Variants in MMP26 observed in about 807,000 individuals in gnomAD.
MMP26 encodes matrix metalloproteinase-26.
In MMP26, 33 loss-of-function variants were observed where a neutral mutation model predicts 31.0. That is an observed-to-expected ratio of 1.06 (90% CI 0.81 to 1.42). The LOEUF (loss-of-function observed/expected upper bound fraction) is 1.42, where lower values mean the gene tolerates loss of function less well. Ranked by LOEUF, MMP26 falls within the 40% of genes most tolerant of loss-of-function variation. The pLI is 0.00. For missense variants in MMP26, 347 were observed against 316.1 expected (o/e 1.10, Z -0.74); for synonymous variants, 122 against 114.9 (o/e 1.06, Z -0.40).
At chr11:4,916,738 T>G (rs542148394) in intron 2 of MMP26, among the ~76,000 whole-genome samples, 11 of 152,296 alleles carry the variant, frequency 7.2e-5, no homozygotes, top group African/African-American at 2.4e-4. Context: ...TATTTCTGAC[T>G]GCTAGAGTAA....
At chr11:4,963,744 C>T (rs1045272956) in intron 2 of MMP26, among the ~76,000 whole-genome samples, 6 of 152,094 alleles carry the variant, frequency 3.9e-5, no homozygotes, top group South Asian at 4.1e-4. Flanking sequence ...GGTGTAAAAG[C>T]GTTCCTTTTT....
At chr11:4,976,056 A>T (rs1564817916) in intron 2 of MMP26, among the ~76,000 whole-genome samples, 3 of 152,022 alleles carry the variant, frequency 2.0e-5, no homozygotes, top group Non-Finnish European at 4.4e-5. Flanking sequence ...TTTCTGGAAG[A>T]TTATTTTATT....
chr11:4,846,592 AG>A (rs1332216353), intron 2 of MMP26, among the ~76,000 whole-genome samples: 1 of 152,222 alleles, frequency 6.6e-6, no homozygotes, highest in East Asian at 1.9e-4. Flanking sequence ...TAACTGCTTG[AG>A]GGGATAGATA....
rs147471185 is a variant in MMP26, at chr11:4,768,984, T to C, written c.-145+1643T>C. 278 of 1,497,096 alleles carry C rather than the reference T, an allele frequency of 1.9e-4. 1 individual carries two copies. In the African/African-American group the frequency reaches 3.5e-3, roughly 19 times the overall value. 92.7% of individuals were successfully genotyped at this position (1,497,096 alleles called of 1,614,324 possible). ...TCAAATAAAACTATGTCTGTTCATTTTGTAAGCAGCAGACTGAGCATAGCC... is the reference window on the plus strand; with the variant it reads ...TCAAATAAAACTATGTCTGTTCATTCTGTAAGCAGCAGACTGAGCATAGCC... On this transcript the variant is annotated intron_variant, in intron 2 of 7. Coordinates refer to ENST00000380390, the MANE Select transcript of MMP26 (RefSeq NM_021801.5).
intron 1 of MMP26, chr11:4,736,528 C>G (rs1037608120): frequency 6.6e-6 from 1 of 152,148 alleles, no homozygotes; most frequent in Non-Finnish European, 1.5e-5. Context: ...ATCTTATTGT[C>G]AGAACATGAC....
At chr11:4,752,212 T>C (rs1011040837) in intron 1 of MMP26, 1 of 152,170 alleles carries the variant, frequency 6.6e-6, no homozygotes, top group Non-Finnish European at 1.5e-5. Context: ...GACAGGCTGA[T>C]CAAAGGGATG....
At chr11:4,890,122 T>G (rs1850597829) in intron 2 of MMP26, 1 of 152,166 alleles carries the variant, frequency 6.6e-6, no homozygotes, top group South Asian at 2.1e-4. Context: ...TGTTTCTCTT[T>G]TAATGAGAAA....
chr11:4,758,216 A>C (rs1848528733), intron 1 of MMP26, among the ~76,000 whole-genome samples: 1 of 152,186 alleles, frequency 6.6e-6, no homozygotes, highest in African/African-American at 2.4e-5. Flanking sequence ...GATGCACCTC[A>C]AATATGCTGA....
chr11:4,828,618 T>A (rs1338304234), intron 2 of MMP26, among the ~76,000 whole-genome samples: 1 of 152,086 alleles, frequency 6.6e-6, no homozygotes, highest in Admixed American at 6.6e-5. Flanking sequence ...GGTGGAGGTT[T>A]GAATAAAGAT....
chr11:4,765,856 A>C (rs994030393), intron 1 of MMP26, among the ~76,000 whole-genome samples: 1 of 152,180 alleles, frequency 6.6e-6, no homozygotes, highest in Non-Finnish European at 1.5e-5. Flanking sequence ...TCCAGCATGC[A>C]TACTTTCATC....
At chr11:4,761,723 G>A (rs1304457964) in intron 1 of MMP26, among the ~76,000 whole-genome samples, 1 of 152,120 alleles carries the variant, frequency 6.6e-6, no homozygotes, top group Non-Finnish European at 1.5e-5. Flanking sequence ...TCTGCTATAT[G>A]TTTCTTGTAA....
At chr11:4,853,590 A>G (rs974241900) in intron 2 of MMP26, among the ~76,000 whole-genome samples, 4 of 152,156 alleles carry the variant, frequency 2.6e-5, no homozygotes, top group African/African-American at 9.6e-5. Flanking sequence ...TATAAAACTG[A>G]CTCAAGAAGA....
chr11:4,832,163 GTC>G (rs1441103990), intron 2 of MMP26: 1 of 159,550 alleles, frequency 6.3e-6, no homozygotes, highest in African/African-American at 2.4e-5. Context: ...AGAAGTTGAA[GTC>G]TCCACATTCC....
chr11:4,821,382 T>A (rs370963957), intron 2 of MMP26: 39 of 1,609,066 alleles, frequency 2.4e-5, no homozygotes, highest in Middle Eastern at 3.3e-4. Context: ...ATGTGTTATG[T>A]TAAATGACTG....
At chr11:4,808,829 G>A (rs1264689850) in intron 2 of MMP26, among the ~76,000 whole-genome samples, 1 of 150,266 alleles carries the variant, frequency 6.7e-6, no homozygotes, top group Non-Finnish European at 1.5e-5. Context: ...TTGAGAGATG[G>A]GGACTGTTGA....
chr11:4,874,075 T>G (rs1327079594), intron 2 of MMP26, among the ~76,000 whole-genome samples: 1 of 152,066 alleles, frequency 6.6e-6, no homozygotes. Context: ...TCCTTTTAAG[T>G]CTGCAGTCTG....
chr11:4,769,892 G>C, intron 2 of MMP26: 2 of 1,608,646 alleles, frequency 1.2e-6, no homozygotes, highest in Non-Finnish European at 1.7e-6. Context: ...TGGAAATTTA[G>C]ATGTTGAGTT....
At chr11:4,908,137 C>T (rs759236458) in intron 2 of MMP26, 9 of 1,614,184 alleles carry the variant, frequency 5.6e-6, no homozygotes, top group African/African-American at 2.7e-5. Context: ...CCATCATCAC[C>T]CTGGCTGCCA....
At chr11:4,821,611 T>C in intron 2 of MMP26, 1 of 1,613,998 alleles carries the variant, frequency 6.2e-7, no homozygotes, top group South Asian at 1.1e-5. Flanking sequence ...TATGTACTAT[T>C]TCCTCTCTAT....
Sources: allele counts gnomAD v4.1 joint callset (sites outside exome capture counted in the v4.1 genomes callset), GRCh38; gene constraint gnomAD v4.1.1; transcripts MANE v1.5; gene names NCBI Gene and HGNC (gene_info 2026-07-23, HGNC 2026-07-21).